Variants in APOLD1 observed in about 807,000 individuals in gnomAD.
APOLD1 encodes the protein apolipoprotein L domain containing 1.
A neutral mutation model predicts 15.3 loss-of-function variants in APOLD1; 22 were observed. The observed-to-expected ratio is 1.44, with a 90% CI of 1.03 to 2.05. APOLD1 has a LOEUF of 2.05. APOLD1 is among the 30% of genes most tolerant of loss of function. The pLI, the probability that APOLD1 is intolerant of heterozygous loss-of-function variation, is 0.00. For missense variants in APOLD1, 394 were observed against 353.5 expected (o/e 1.11, Z -0.92); for synonymous variants, 190 against 167.4 (o/e 1.13, Z -1.04).
chr12:12,736,120 C>T (rs1946682890), intron 1 of APOLD1, among the ~76,000 whole-genome samples: 1 of 152,106 alleles, frequency 6.6e-6, no homozygotes, highest in Admixed American at 6.6e-5. Flanking sequence ...TTTTGGGAGG[C>T]TGAGGCGGGT....
intron 1 of APOLD1, among the ~76,000 whole-genome samples, chr12:12,753,989 C>T (rs1055579906): frequency 5.3e-5 from 8 of 149,646 alleles, no homozygotes; most frequent in Non-Finnish European, 7.4e-5. Context: ...CTGAGGTGGG[C>T]GGATCACCTG....
intron 1 of APOLD1, among the ~76,000 whole-genome samples, chr12:12,750,383 A>AG (rs2136379426): frequency 6.6e-6 from 1 of 151,450 alleles, no homozygotes; most frequent in East Asian, 1.9e-4. Flanking sequence ...AAAAAAAAAA[A>AG]AAAAAAAAAA....
At chr12:12,730,198 G>A (rs1184011304) in intron 1 of APOLD1, among the ~76,000 whole-genome samples, 9 of 151,936 alleles carry the variant, frequency 5.9e-5, no homozygotes, top group Non-Finnish European at 1.3e-4. Flanking sequence ...ACAGGCATGA[G>A]CCATCATGCC....
intron 1 of APOLD1, among the ~76,000 whole-genome samples, chr12:12,750,093 C>G (rs893125093): frequency 6.6e-6 from 1 of 152,122 alleles, no homozygotes; most frequent in Non-Finnish European, 1.5e-5. Flanking sequence ...GGAAAGATGG[C>G]CGGGCGCGGT....
chr12:12,782,256 CTCAA>C (rs1947086864), upstream of APOLD1, among the ~76,000 whole-genome samples: 1 of 129,526 alleles, frequency 7.7e-6, no homozygotes, highest in Admixed American at 7.6e-5. Flanking sequence ...AAGACTCCGT[CTCAA>C]ACAAACAAAC....
intron 1 of APOLD1, among the ~76,000 whole-genome samples, chr12:12,769,931 C>G (rs948384453): frequency 1.3e-5 from 2 of 152,172 alleles, no homozygotes; most frequent in Non-Finnish European, 2.9e-5. Flanking sequence ...ACAGTAGTTT[C>G]TTTAGCCCAA....
chr12:12,737,048 G>A (rs1172892565), intron 1 of APOLD1, among the ~76,000 whole-genome samples: 4 of 152,218 alleles, frequency 2.6e-5, no homozygotes, highest in African/African-American at 9.6e-5. Context: ...CTAAGCAAAT[G>A]AATAGCTTAG....
chr12:12,780,126 T>C (rs1456008398), intron 1 of APOLD1, among the ~76,000 whole-genome samples: 8 of 152,150 alleles, frequency 5.3e-5, no homozygotes, highest in African/African-American at 1.7e-4. Flanking sequence ...CATTTTTCTT[T>C]AGTTAAATTC....
intron 1 of APOLD1, among the ~76,000 whole-genome samples, chr12:12,728,932 C>G (rs1026710502): frequency 2.6e-5 from 4 of 152,130 alleles, no homozygotes; most frequent in South Asian, 2.1e-4. Flanking sequence ...GAACACCCAA[C>G]ATGACAAAGA....
Position 12,774,580 on chromosome 12 carries a change from AAAAGAAAAGT to A in APOLD1, c.97-12319_97-12310del, listed in dbSNP as rs1170857816. On this transcript the variant is annotated intron_variant, in intron 1 of 1. Transcript: ENST00000326765. Reference sequence around the variant, plus strand: ...AAAAAAAAAAAAAAAAAAAAGAAAGAAAAGAAAAGTAAAGAAAAGAAAAGAAAGAAAACAA... The same window carrying A: ...AAAAAAAAAAAAAAAAAAAAGAAAGAAAAGAAAAGAAAAGAAAGAAAACAA... Among the ~76,000 whole-genome samples, 22 of 105,858 alleles carry A rather than the reference AAAAGAAAAGT, an allele frequency of 2.1e-4. No homozygotes were observed. In the South Asian group the frequency reaches 3.2e-3, roughly 16 times the overall value. 69.4% of individuals were successfully genotyped at this position (105,858 alleles called of 152,430 possible).
intron 1 of APOLD1, chr12:12,771,730 AAAT>A (rs1364109085): frequency 3.1e-6 from 1 of 326,906 alleles, no homozygotes; most frequent in Non-Finnish European, 6.0e-6. Flanking sequence ...AGTTTGTTCA[AAAT>A]AATAATAGCA....
upstream of APOLD1, chr12:12,725,923 C>G: frequency 1.6e-6 from 2 of 1,234,962 alleles, no homozygotes; most frequent in South Asian, 3.4e-5. Context: ...TGACAGTGTG[C>G]AGGCAGGCGG....
chr12:12,746,958 G>C (rs1946771441), intron 1 of APOLD1, among the ~76,000 whole-genome samples: 1 of 152,162 alleles, frequency 6.6e-6, no homozygotes, highest in African/African-American at 2.4e-5. Flanking sequence ...CAATGTTGCT[G>C]CAAATGACAT....
chr12:12,782,245 C>T (rs553423366), upstream of APOLD1, among the ~76,000 whole-genome samples: 212 of 148,160 alleles, frequency 1.4e-3, no homozygotes, highest in African/African-American at 5.3e-3. Context: ...GGCAACAGAG[C>T]AAGACTCCGT....
At chr12:12,750,472 C>T (rs1217354977) in intron 1 of APOLD1, among the ~76,000 whole-genome samples, 1 of 150,726 alleles carries the variant, frequency 6.6e-6, no homozygotes, top group African/African-American at 2.4e-5. Flanking sequence ...TTGAACTTCA[C>T]TTTCTTTTAT....
At chr12:12,727,763 T>C (rs1356991728) in intron 1 of APOLD1, among the ~76,000 whole-genome samples, 1 of 57,522 alleles carries the variant, frequency 1.7e-5, no homozygotes, top group Non-Finnish European at 4.3e-5. Context: ...CTGAAACCTT[T>C]TTTTTTTTTT....
chr12:12,760,357 G>A (rs957102615), intron 1 of APOLD1, among the ~76,000 whole-genome samples: 8 of 149,756 alleles, frequency 5.3e-5, no homozygotes, highest in African/African-American at 2.0e-4. Flanking sequence ...AAAAACCTTG[G>A]CCGGGTGCAG....
At chr12:12,766,220 T>C (rs1175793682) in intron 1 of APOLD1, among the ~76,000 whole-genome samples, 1 of 152,172 alleles carries the variant, frequency 6.6e-6, no homozygotes, top group African/African-American at 2.4e-5. Context: ...CTGCCTCAAC[T>C]CTCTTTAGGT....
intron 1 of APOLD1, among the ~76,000 whole-genome samples, chr12:12,760,420 C>T (rs1162198219): frequency 6.6e-6 from 1 of 151,072 alleles, no homozygotes; most frequent in Admixed American, 6.6e-5. Context: ...GGCAGATCAC[C>T]TGAGGGCAGG....
Sources: gnomAD v4.1 joint callset for allele counts (sites outside exome capture counted in the v4.1 genomes callset) on GRCh38, gnomAD v4.1.1 for gene constraint, MANE v1.5 for transcripts, NCBI Gene and HGNC (gene_info 2026-07-23, HGNC 2026-07-21) for gene names.